USP8: variants seen among roughly 807,000 people sequenced by gnomAD.
USP8 encodes the protein ubiquitin carboxyl-terminal hydrolase 8.
Under a neutral mutation model 130.0 loss-of-function variants are expected in USP8, and 27 were observed. That is an observed-to-expected ratio of 0.21 (90% CI 0.15 to 0.29). The LOEUF is 0.29. Ranked by LOEUF, USP8 falls within the 10% of genes least tolerant of loss-of-function variation. USP8 has a pLI of 1.00. For missense variants in USP8, 1,029 were observed against 1,312.2 expected (o/e 0.78, Z 3.33); for synonymous variants, 392 against 444.1 (o/e 0.88, Z 1.48).
At chr15:50,462,147 C>T (rs771259924) in intron 5 of USP8, 133 bp from the exon 6 acceptor site, 42 of 634,498 alleles carry the variant, frequency 6.6e-5, no homozygotes, top group South Asian at 3.1e-4. Flanking sequence ...TATTCGTCTG[C>T]GTTTTTATAA....
intron 2 of USP8, 140 bp downstream of exon 2, chr15:50,439,317 T>C (rs2050175619): frequency 1.8e-6 from 1 of 566,540 alleles, no homozygotes; most frequent in African/African-American, 1.9e-5. Context: ...TTAGAGAAAG[T>C]TGTAATGTAA....
At position 50,505,543 on chromosome 15, in the gene USP8, A is replaced by C. The variant is rs2052647078; in HGVS notation, c.*6455A>C. ...CCACATGAATTTTAAAAACTCAATG[A>C]AGGAAGAAGTGATACATAATAGACA... is the stretch of plus-strand genomic sequence containing the variant. On this transcript the variant is annotated 3_prime_UTR_variant, in exon 20 of 20. Coordinates refer to ENST00000307179, the MANE Select transcript of USP8 (RefSeq NM_005154.5). The C allele has an allele frequency of 6.6e-6, 1 of 152,202 alleles. No homozygotes were observed. Among genetic ancestry groups the C allele is most frequent in the African/African-American group, 2.4e-5 (1 of 41,442 alleles). The allele number at this position is 152,202 out of a possible 1,614,324, so 9.4% of individuals were successfully genotyped here.
At chr15:50,496,613 A>ATTTCAGGATTGTTAGTATGT (rs2052421916) in intron 17 of USP8, among the ~76,000 whole-genome samples, 1 of 151,698 alleles carries the variant, frequency 6.6e-6, no homozygotes, top group African/African-American at 2.4e-5. Flanking sequence ...TTCTTTCAGG[A>ATTTCAGGATTGTTAGTATGT]TTTCAGGATT....
At chr15:50,496,340 G>C (rs972351944) in intron 17 of USP8, among the ~76,000 whole-genome samples, 1 of 151,970 alleles carries the variant, frequency 6.6e-6, no homozygotes, top group African/African-American at 2.4e-5. Context: ...AATTAGCCGG[G>C]CGTGGTGGTG....
intron 15 of USP8, 180 bp downstream of exon 15, chr15:50,493,093 G>A: frequency 1.4e-6 from 1 of 708,594 alleles, no homozygotes; most frequent in East Asian, 2.9e-5. Context: ...CTAGGTGCCG[G>A]CATCTGGTGC....
rs2052680027 is a variant in USP8 at position 50,507,637 on chromosome 15, A to T, written c.*8549A>T. ...ATGACAGAACTATAGGGAAGTTTTG[A>T]CAAGTCTACCATCATAATGGAAGAT... On this transcript the variant is annotated 3_prime_UTR_variant, in exon 20 of 20. Coordinates refer to ENST00000307179, the MANE Select transcript of USP8 (RefSeq NM_005154.5). 1 of 152,222 alleles carries T rather than the reference A, an allele frequency of 6.6e-6. No individual in the cohort carries two copies. The highest frequency in any genetic ancestry group is 2.1e-4 in the South Asian group (1 of 4,830). 9.4% of individuals were successfully genotyped at this position (152,222 alleles called of 1,614,324 possible).
chr15:50,425,333 A>G (rs1315141349), intron 1 of USP8, among the ~76,000 whole-genome samples: 1 of 152,212 alleles, frequency 6.6e-6, no homozygotes, highest in Non-Finnish European at 1.5e-5. Context: ...TAGTTTTGTA[A>G]ATATCTTGCT....
In USP8 at chr15:50,477,409, T is replaced by A. The variant is rs751182745; in HGVS notation, c.1128T>A (p.Asn376Lys). 3 of 1,614,182 alleles carry A rather than the reference T, an allele frequency of 1.9e-6. No individual in the cohort carries two copies. In the Admixed American group the frequency reaches 5.0e-5, roughly 27 times the overall value. The change falls in exon 10 of 20, where the codon AAT becomes AAA. Residue 376 changes from asparagine (N) to lysine (K), a missense_variant. Around this residue, in one of 4 missense-constraint regions of USP8, gnomAD observed 486 missense variants for 522.0 expected, o/e 0.93. Coordinates refer to ENST00000307179, the MANE Select transcript of USP8 (RefSeq NM_005154.5). Reference protein sequence around the residue: ...SGQNERMGPLNISTPVEPVAA... With the variant: ...SGQNERMGPLKISTPVEPVAA... ...AAAATGAGAGAATGGGACCACTGAA[T>A]ATATCAACTCCAGTTGAACCAGTTG...
Position 50,509,749 on chromosome 15 carries a change from T to C in USP8, c.*10661T>C, listed in dbSNP as rs2052714451. On this transcript the variant is annotated 3_prime_UTR_variant, in exon 20 of 20. Coordinates refer to ENST00000307179, the MANE Select transcript of USP8 (RefSeq NM_005154.5). ...AGCTACAGATCCTGAATAAATTTATTGTTAATACCCTAAAAACTTTATGCC... is the reference window on the plus strand; with the variant it reads ...AGCTACAGATCCTGAATAAATTTATCGTTAATACCCTAAAAACTTTATGCC... The C allele has an allele frequency of 6.6e-6, 1 of 152,140 alleles. No homozygotes were observed. The highest frequency in any genetic ancestry group is 2.4e-5 in the African/African-American group (1 of 41,456). The allele number at this position is 152,140 out of a possible 1,614,324, so 9.4% of individuals were successfully genotyped here.
intron 1 of USP8, among the ~76,000 whole-genome samples, chr15:50,437,696 C>G (rs983458561): frequency 3.3e-5 from 5 of 152,244 alleles, no homozygotes; most frequent in African/African-American, 1.2e-4. Context: ...CCCTGTCATA[C>G]TCTTTCCTCA....
intron 16 of USP8, among the ~76,000 whole-genome samples, chr15:50,495,193 T>C (rs1029567187): frequency 4.7e-5 from 7 of 149,774 alleles, no homozygotes; most frequent in South Asian, 2.1e-4. Flanking sequence ...TGAACAGATA[T>C]ATATATATAT....
At chr15:50,455,438 T>A (rs2050760834) in intron 4 of USP8, among the ~76,000 whole-genome samples, 1 of 147,486 alleles carries the variant, frequency 6.8e-6, no homozygotes, top group Non-Finnish European at 1.5e-5. Context: ...TACAGAGATT[T>A]CCTATTTGTT....
intron 1 of USP8, among the ~76,000 whole-genome samples, chr15:50,433,873 G>A (rs1022853918): frequency 6.6e-5 from 10 of 152,206 alleles, no homozygotes; most frequent in African/African-American, 1.4e-4. Flanking sequence ...CCAAAGTGTT[G>A]GGATTACAGG....
At position 50,499,960 on chromosome 15, in the gene USP8, A is replaced by G. The variant is rs1394850910; in HGVS notation, c.*872A>G. 6.6e-6 allele frequency: 1 copy of G among 152,194 alleles called. No individual in the cohort carries two copies. The highest frequency in any genetic ancestry group is 1.9e-4 in the East Asian group (1 of 5,200). The allele number at this position is 152,194 out of a possible 1,614,324, so 9.4% of individuals were successfully genotyped here. A position where few individuals can be genotyped will look rare whatever the true frequency, so the allele number is the denominator to read the frequency against. On this transcript the variant is annotated 3_prime_UTR_variant, in exon 20 of 20. Transcript: ENST00000307179. The stretch of plus-strand genomic sequence containing the variant: ...AAAGTAAAAATGCCGGGAGTCAGGC[A>G]TGATTGCAAAGTGAACTGCATTATA...
chr15:50,471,948 T>C (rs914626708), intron 8 of USP8, among the ~76,000 whole-genome samples, 153 bp downstream of exon 8: 13 of 149,584 alleles, frequency 8.7e-5, no homozygotes, highest in African/African-American at 3.2e-4. Context: ...TTGCCCAAGC[T>C]AGAGTACAGT....
intron 5 of USP8, among the ~76,000 whole-genome samples, chr15:50,460,154 C>T (rs1249843399): frequency 2.0e-5 from 3 of 151,320 alleles, no homozygotes; most frequent in African/African-American, 7.3e-5. Context: ...CCCGCCACCA[C>T]ACCCGGCTAA....
chr15:50,488,583 G>A (rs1241089820), intron 12 of USP8, among the ~76,000 whole-genome samples: 1 of 82,172 alleles, frequency 1.2e-5, no homozygotes, highest in Non-Finnish European at 2.2e-5. Flanking sequence ...TTTTTTTTTG[G>A]AGATGGAGTC....
At chr15:50,489,520 C>T (rs898799210) in intron 12 of USP8, 10 of 164,586 alleles carry the variant, frequency 6.1e-5, no homozygotes, top group Non-Finnish European at 9.1e-5. Context: ...TCTTCCTCCC[C>T]GTGAACTACC....
chr15:50,470,533 A>T (rs957888515), intron 7 of USP8, among the ~76,000 whole-genome samples: 1 of 151,844 alleles, frequency 6.6e-6, no homozygotes, highest in Admixed American at 6.6e-5. Flanking sequence ...GAAGGGGGCC[A>T]GTAGTTAGAG....
Sources: gnomAD v4.1 joint callset for allele counts (sites outside exome capture counted in the v4.1 genomes callset) on GRCh38, gnomAD v4.1.1 for gene constraint, gnomAD v4.1.1 regional missense constraint, MANE v1.5 for transcripts, NCBI Gene and HGNC (gene_info 2026-07-23, HGNC 2026-07-21) for gene names.